Variants in SLC9D1 observed in about 807,000 individuals in gnomAD.
SLC9D1 encodes the protein solute carrier family 9 member D1, also known as putative LAG1-interacting protein.
chr13:113,502,026 A>T, the SLC9D1 span: 1 of 667,992 alleles, frequency 1.5e-6, no homozygotes. Flanking sequence ...GTGTCACGGG[A>T]AGTCTCTGAA....
the SLC9D1 span, among the ~76,000 whole-genome samples, chr13:113,544,394 C>T: frequency 2.6e-5 from 4 of 152,300 alleles, no homozygotes; most frequent in South Asian, 2.1e-4. Context: ...GTGGACGGCA[C>T]GTGGCAGTGT....
At chr13:113,530,850 A>G in the SLC9D1 span, among the ~76,000 whole-genome samples, 1 of 152,218 alleles carries the variant, frequency 6.6e-6, no homozygotes, top group Non-Finnish European at 1.5e-5. Context: ...GAGTTTGAAA[A>G]CAGGTCAGCA....
At chr13:113,534,173 TG>T in the SLC9D1 span, 2 of 1,598,632 alleles carry the variant, frequency 1.3e-6, no homozygotes, top group Non-Finnish European at 1.7e-6. Flanking sequence ...AAGCTGCACA[TG>T]GAAAGCAAGG....
chr13:113,504,689 G>C, the SLC9D1 span: 1 of 152,310 alleles, frequency 6.6e-6, no homozygotes, highest in Non-Finnish European at 1.5e-5. Flanking sequence ...TGGCTGAGTA[G>C]TATTCCATGG....
chr13:113,507,207 C>T, the SLC9D1 span, among the ~76,000 whole-genome samples: 24 of 152,030 alleles, frequency 1.6e-4, no homozygotes, highest in African/African-American at 4.1e-4. Context: ...AGGGAGCCGT[C>T]GGAGTCTGGC....
chr13:113,512,061 G>A, the SLC9D1 span: 5 of 132,274 alleles, frequency 3.8e-5, no homozygotes, highest in Non-Finnish European at 6.3e-5. Flanking sequence ...GATGGAGAGG[G>A]TCAGTATATA....
chr13:113,540,043 C>T, the SLC9D1 span, among the ~76,000 whole-genome samples: 2 of 152,318 alleles, frequency 1.3e-5, no homozygotes, highest in East Asian at 1.9e-4. Flanking sequence ...CTGCAAAGGA[C>T]GTGATTTCAT....
At chr13:113,522,640 G>A in the SLC9D1 span, among the ~76,000 whole-genome samples, 1 of 150,280 alleles carries the variant, frequency 6.7e-6, no homozygotes, top group African/African-American at 2.5e-5. Flanking sequence ...GCGCCCGGCT[G>A]TTGTTGTTTT....
the SLC9D1 span, among the ~76,000 whole-genome samples, chr13:113,532,986 G>T: frequency 2.6e-5 from 1 of 37,856 alleles, no homozygotes; most frequent in Admixed American, 2.3e-4. Flanking sequence ...AGCTCTGAAG[G>T]ACGCTGCCTC....
the SLC9D1 span, among the ~76,000 whole-genome samples, chr13:113,540,348 C>G: frequency 6.6e-6 from 1 of 152,214 alleles, no homozygotes; most frequent in African/African-American, 2.4e-5. Flanking sequence ...ATTTACTGTC[C>G]TACCAATGGT....
chr13:113,545,732 G>C, the SLC9D1 span: 2 of 153,014 alleles, frequency 1.3e-5, no homozygotes, highest in African/African-American at 4.8e-5. Flanking sequence ...TTGCAGCCCA[G>C]GGTTGGGTGG....
chr13:113,502,138 T>C, the SLC9D1 span, among the ~76,000 whole-genome samples: 1 of 152,340 alleles, frequency 6.6e-6, no homozygotes, highest in East Asian at 1.9e-4. Context: ...TCCAGTAACG[T>C]GCTGGACCAG....
At chr13:113,522,479 C>T in the SLC9D1 span, among the ~76,000 whole-genome samples, 1 of 152,024 alleles carries the variant, frequency 6.6e-6, no homozygotes, top group Non-Finnish European at 1.5e-5. Context: ...TAGCTGGGAC[C>T]ACAGGCACCT....
chr13:113,501,541 A>T, the SLC9D1 span, among the ~76,000 whole-genome samples: 1 of 152,128 alleles, frequency 6.6e-6, no homozygotes, highest in African/African-American at 2.4e-5. Flanking sequence ...AGGCCATGAA[A>T]AACTAACTCC....
chr13:113,507,876 A>G, the SLC9D1 span, among the ~76,000 whole-genome samples: 1 of 152,216 alleles, frequency 6.6e-6, no homozygotes. Context: ...TTGGGATTTC[A>G]GGAGAATGTG....
At chr13:113,512,565 C>T in the SLC9D1 span, among the ~76,000 whole-genome samples, 33 of 151,130 alleles carry the variant, frequency 2.2e-4, no homozygotes, top group African/African-American at 7.3e-4. Context: ...AGACTCGGAG[C>T]CCCAGGTGCT....
chr13:113,510,754 C>T, the SLC9D1 span, among the ~76,000 whole-genome samples: 2 of 152,316 alleles, frequency 1.3e-5, no homozygotes, highest in South Asian at 2.1e-4. Flanking sequence ...TAGGAAGTTG[C>T]GTATGTTTTG....
chr13:113,514,505 G>A, the SLC9D1 span: 1 of 145,532 alleles, frequency 6.9e-6, no homozygotes, highest in African/African-American at 2.7e-5. Context: ...CAAGCCTGCT[G>A]CCAAGCTTTG....
chr13:113,498,726 G>C, the SLC9D1 span: 322 of 439,880 alleles, frequency 7.3e-4, no homozygotes, highest in African/African-American at 6.3e-3. Flanking sequence ...TTTTAACACC[G>C]ACAGTCAGTT....
Sources: allele counts gnomAD v4.1 joint callset (sites outside exome capture counted in the v4.1 genomes callset), GRCh38; gene constraint gnomAD v4.1.1; transcripts MANE v1.5; gene names NCBI Gene and HGNC (gene_info 2026-07-23, HGNC 2026-07-21).